Variants in SYT1 observed in about 807,000 individuals in gnomAD.
The protein encoded by SYT1 is synaptotagmin-1.
Under a neutral mutation model 44.8 loss-of-function variants are expected in SYT1, and 8 were observed. The observed-to-expected ratio is 0.18, with a 90% CI of 0.10 to 0.32. The LOEUF is 0.32. Among genes scored for constraint, SYT1 ranks in the 10% least tolerant of loss-of-function variants. SYT1 has a pLI of 1.00. For missense variants in SYT1, 286 were observed against 509.3 expected (o/e 0.56, Z 4.22); for synonymous variants, 154 against 188.8 (o/e 0.82, Z 1.51).
intron 4 of SYT1, among the ~76,000 whole-genome samples, chr12:79,233,002 C>T (rs985751722): frequency 7.2e-5 from 11 of 152,180 alleles, no homozygotes; most frequent in Non-Finnish European, 1.6e-4. Context: ...TTTCTTTTCT[C>T]CCTTTCCTCG....
intron 9 of SYT1, among the ~76,000 whole-genome samples, chr12:79,353,922 A>T (rs1435204589): frequency 6.6e-6 from 1 of 152,206 alleles, no homozygotes; most frequent in African/African-American, 2.4e-5. Flanking sequence ...TGTTCATGAC[A>T]GATTATAATT....
intron 4 of SYT1, among the ~76,000 whole-genome samples, chr12:79,267,727 G>A (rs1006667669): frequency 1.3e-5 from 2 of 152,132 alleles, no homozygotes; most frequent in Non-Finnish European, 2.9e-5. Context: ...CAACTTACCT[G>A]GCATCCTTTA....
intron 1 of SYT1, among the ~76,000 whole-genome samples, chr12:78,967,836 A>G (rs1235526351): frequency 6.6e-6 from 1 of 152,164 alleles, no homozygotes; most frequent in East Asian, 1.9e-4. Context: ...AAGGAAGAGT[A>G]AGCAGAAAAA....
chr12:79,376,128 A>T (rs1883985577), intron 9 of SYT1, among the ~76,000 whole-genome samples: 1 of 152,174 alleles, frequency 6.6e-6, no homozygotes, highest in African/African-American at 2.4e-5. Flanking sequence ...AACTTTCTTA[A>T]TCTAAATGTT....
chr12:79,120,447 A>C (rs1019366642), intron 3 of SYT1, among the ~76,000 whole-genome samples: 2 of 152,110 alleles, frequency 1.3e-5, no homozygotes, highest in Non-Finnish European at 2.9e-5. Flanking sequence ...TAAAAATGCA[A>C]AATTTGAGAG....
chr12:78,946,252 C>A (rs1328426142), intron 1 of SYT1, among the ~76,000 whole-genome samples: 3 of 152,122 alleles, frequency 2.0e-5, no homozygotes, highest in Non-Finnish European at 4.4e-5. Flanking sequence ...ATTTGAGGGG[C>A]ATCTGGTGAA....
chr12:79,245,473 C>CAAAAAAAAAAA (rs1273397377), intron 4 of SYT1, among the ~76,000 whole-genome samples: 24 of 43,406 alleles, frequency 5.5e-4, no homozygotes, highest in Admixed American at 5.8e-4. Flanking sequence ...ACTCCGTCAA[C>CAAAAAAAAAAA]AAAAAAAAAA....
intron 3 of SYT1, among the ~76,000 whole-genome samples, chr12:79,080,976 C>T (rs1211727363): frequency 6.6e-6 from 1 of 152,174 alleles, no homozygotes; most frequent in South Asian, 2.1e-4. Context: ...ACTATTGTGA[C>T]TAGATGGGGG....
chr12:79,116,852 A>G (rs1879304135), intron 3 of SYT1, among the ~76,000 whole-genome samples: 1 of 152,062 alleles, frequency 6.6e-6, no homozygotes, highest in Admixed American at 6.5e-5. Context: ...CCTGAGTTTC[A>G]CCTCTGAAGG....
chr12:79,233,292 T>C lies in SYT1; in HGVS notation c.166+15607T>C, dbSNP rs559095519. On this transcript the variant is annotated intron_variant, in intron 4 of 10. Coordinates refer to ENST00000261205, the MANE Select transcript of SYT1 (RefSeq NM_005639.3). ...TGAAATGTCCAGAAAATAAGATTAG[T>C]TCATTTTACATGATGATTGTTATCT... Among the ~76,000 whole-genome samples the C allele has an allele frequency of 2.0e-5, 3 of 152,350 alleles. No individual in the cohort carries two copies. In the South Asian group the frequency reaches 6.2e-4, roughly 32 times the overall value.
intron 1 of SYT1, among the ~76,000 whole-genome samples, chr12:78,893,923 T>C (rs1431742878): frequency 6.6e-6 from 1 of 151,720 alleles, no homozygotes; most frequent in Non-Finnish European, 1.5e-5. Flanking sequence ...TGCGCAAAGA[T>C]GCTTCCAGGG....
At chr12:79,068,044 C>A (rs1875998943) in intron 3 of SYT1, among the ~76,000 whole-genome samples, 1 of 152,172 alleles carries the variant, frequency 6.6e-6, no homozygotes, top group African/African-American at 2.4e-5. Context: ...AGAGCTCCTA[C>A]CATGCTTTGG....
intron 3 of SYT1, among the ~76,000 whole-genome samples, chr12:79,125,399 C>T (rs1051053672): frequency 6.7e-6 from 1 of 149,754 alleles, no homozygotes; most frequent in Non-Finnish European, 1.5e-5. Context: ...TCACTTTAAC[C>T]CAGGAGTTCA....
chr12:78,929,407 CCCAAAAAAAAAAAAAAAAAAAAA>C (rs1313674937), intron 1 of SYT1, among the ~76,000 whole-genome samples: 8 of 14,662 alleles, frequency 5.5e-4, no homozygotes, highest in Non-Finnish European at 1.7e-3. Flanking sequence ...GAGACTCCGT[CCCAAAAAAAAAAAAAAAAAAAAA>C]AAAAAAAAAA....
intron 4 of SYT1, among the ~76,000 whole-genome samples, chr12:79,262,384 T>C (rs1328281199): frequency 6.6e-6 from 1 of 152,250 alleles, no homozygotes; most frequent in East Asian, 1.9e-4. Context: ...TGTTAGCATC[T>C]GCTGTTGTAA....
intron 3 of SYT1, among the ~76,000 whole-genome samples, chr12:79,154,395 G>A (rs946348068): frequency 1.3e-5 from 2 of 151,164 alleles, no homozygotes; most frequent in Middle Eastern, 3.5e-3. Flanking sequence ...ACATAGGTAC[G>A]TTTTTTTCTC....
At position 79,450,451 on chromosome 12, in the gene SYT1, C is replaced by CTCT. The variant is rs1411966170; in HGVS notation, c.*1329_*1331dup. On this transcript the variant is annotated 3_prime_UTR_variant, in exon 11 of 11. Transcript: ENST00000261205. ...ACAAGTTCTAGAAAACTGAAGCAAC[C>CTCT]TCTTATGTATACTAGATGCTTGATT... 1 of 152,404 alleles carries CTCT rather than the reference C, an allele frequency of 6.6e-6. No homozygotes were observed. The highest frequency in any genetic ancestry group is 6.6e-5 in the Admixed American group (1 of 15,230). The allele number at this position is 152,404 out of a possible 1,614,324, so 9.4% of individuals were successfully genotyped here.
intron 1 of SYT1, among the ~76,000 whole-genome samples, chr12:78,955,149 C>T (rs971894930): frequency 7.9e-5 from 12 of 152,004 alleles, no homozygotes; most frequent in Non-Finnish European, 1.3e-4. Flanking sequence ...TTTGAAATGA[C>T]GGTTAAACAG....
At chr12:79,446,925 A>AAT (rs1342704353) in intron 10 of SYT1, among the ~76,000 whole-genome samples, 4 of 152,136 alleles carry the variant, frequency 2.6e-5, no homozygotes, top group Non-Finnish European at 5.9e-5. Context: ...CCACAAAATA[A>AAT]ATATAAAGCA....
Sources: gnomAD v4.1 joint callset for allele counts (sites outside exome capture counted in the v4.1 genomes callset) on GRCh38, gnomAD v4.1.1 for gene constraint, MANE v1.5 for transcripts, NCBI Gene and HGNC (gene_info 2026-07-23, HGNC 2026-07-21) for gene names.